Variants in LHFPL3 observed in about 807,000 individuals in gnomAD.
LHFPL3 encodes LHFPL tetraspan subfamily member 3, also known as LHFPL tetraspan subfamily member 3 protein.
A neutral mutation model predicts 19.3 loss-of-function variants in LHFPL3; 5 were observed. The observed-to-expected ratio is 0.26, with a 90% CI of 0.14 to 0.54. The LOEUF (loss-of-function observed/expected upper bound fraction) is 0.54. LHFPL3 is among the 20% of genes least tolerant of loss of function. The pLI is 0.94. For missense variants in LHFPL3, 249 were observed against 307.4 expected, an observed-to-expected ratio of 0.81 and a Z score of 1.42; for synonymous variants, 133 against 126.2, an observed-to-expected ratio of 1.05 and a Z score of -0.36.
At chr7:104,613,345 T>C (rs1179350786) in intron 1 of LHFPL3, among the ~76,000 whole-genome samples, 1 of 152,168 alleles carries the variant, frequency 6.6e-6, no homozygotes, top group Non-Finnish European at 1.5e-5. Flanking sequence ...TTGACCTATA[T>C]AAGAATTTTA....
At chr7:104,415,639 T>C (rs573690111) in intron 1 of LHFPL3, among the ~76,000 whole-genome samples, 2 of 152,332 alleles carry the variant, frequency 1.3e-5, no homozygotes, top group Non-Finnish European at 2.9e-5. Flanking sequence ...TTTTCAAATG[T>C]CTGTAATCAT....
At chr7:104,691,978 A>G (rs573037929) in intron 1 of LHFPL3, among the ~76,000 whole-genome samples, 2 of 152,218 alleles carry the variant, frequency 1.3e-5, no homozygotes, top group African/African-American at 4.8e-5. Context: ...GAGAGGAGGA[A>G]CTTGTTGGGA....
intron 2 of LHFPL3, among the ~76,000 whole-genome samples, chr7:104,833,064 A>ATAGATATAT (rs1791008063): frequency 1.0e-5 from 1 of 95,692 alleles, no homozygotes; most frequent in Non-Finnish European, 1.9e-5. Context: ...ATTATATATA[A>ATAGATATAT]TATATATATT....
At chr7:104,406,951 T>C (rs929222481) in intron 1 of LHFPL3, among the ~76,000 whole-genome samples, 3 of 152,210 alleles carry the variant, frequency 2.0e-5, no homozygotes, top group Non-Finnish European at 4.4e-5. Flanking sequence ...CCTTCAACTT[T>C]GAAGTCCAAG....
At chr7:104,519,715 G>T (rs1342529500) in intron 1 of LHFPL3, among the ~76,000 whole-genome samples, 2 of 151,850 alleles carry the variant, frequency 1.3e-5, no homozygotes, top group African/African-American at 4.8e-5. Context: ...TGACTGTTTT[G>T]ACTATTAACA....
chr7:104,380,531 A>G (rs1426787450), intron 1 of LHFPL3, among the ~76,000 whole-genome samples: 1 of 152,184 alleles, frequency 6.6e-6, no homozygotes, highest in Non-Finnish European at 1.5e-5. Flanking sequence ...AATACAAATT[A>G]ATGAAAATAT....
intron 1 of LHFPL3, among the ~76,000 whole-genome samples, chr7:104,551,519 A>G (rs1794662740): frequency 6.6e-6 from 1 of 151,902 alleles, no homozygotes; most frequent in Non-Finnish European, 1.5e-5. Context: ...GCTTCTGTGG[A>G]CTGACTTTGA....
intron 1 of LHFPL3, among the ~76,000 whole-genome samples, chr7:104,443,877 A>G (rs1416422550): frequency 6.6e-6 from 1 of 152,252 alleles, no homozygotes; most frequent in Non-Finnish European, 1.5e-5. Context: ...CATGCAGAGG[A>G]GAGCACAACA....
chr7:104,737,824 T>C (rs1793858019), intron 2 of LHFPL3, among the ~76,000 whole-genome samples: 1 of 152,202 alleles, frequency 6.6e-6, no homozygotes, highest in Admixed American at 6.5e-5. Flanking sequence ...GCTAAATCCA[T>C]CCTTGAAGTA....
chr7:104,492,485 G>A (rs12533385), intron 1 of LHFPL3, among the ~76,000 whole-genome samples: 41,120 of 152,188 alleles, frequency 0.27, 6,568 homozygotes, highest in Non-Finnish European at 0.37. Flanking sequence ...ATGGTACCAT[G>A]TCAGGTGTAT....
intron 1 of LHFPL3, among the ~76,000 whole-genome samples, chr7:104,578,240 G>A (rs1047317606): frequency 2.6e-5 from 4 of 152,240 alleles, no homozygotes; most frequent in Admixed American, 6.5e-5. Context: ...TTCTCCAGGT[G>A]TGGGTAACTC....
intron 2 of LHFPL3, among the ~76,000 whole-genome samples, chr7:104,861,231 C>A (rs1375323477): frequency 6.6e-6 from 1 of 152,096 alleles, no homozygotes; most frequent in Non-Finnish European, 1.5e-5. Flanking sequence ...ATTTTGCCCC[C>A]CTAAGAGGAC....
intron 1 of LHFPL3, among the ~76,000 whole-genome samples, chr7:104,705,380 T>C (rs1793172532): frequency 6.6e-6 from 1 of 152,216 alleles, no homozygotes; most frequent in Non-Finnish European, 1.5e-5. Context: ...CAAACCACTA[T>C]GTCATTTCTC....
chr7:104,335,581 C>T (rs1036641618), intron 1 of LHFPL3, among the ~76,000 whole-genome samples: 8 of 152,056 alleles, frequency 5.3e-5, no homozygotes, highest in African/African-American at 1.7e-4. Flanking sequence ...ATAACCCATA[C>T]AATATATTGT....
chr7:104,803,322 A>G (rs927378673), intron 2 of LHFPL3: 1 of 152,218 alleles, frequency 6.6e-6, no homozygotes, highest in Non-Finnish European at 1.5e-5. Context: ...TATTCTATTC[A>G]CGCATTAGAA....
At chr7:104,555,580 C>A (rs138936144) in intron 1 of LHFPL3, among the ~76,000 whole-genome samples, 150 of 152,324 alleles carry the variant, frequency 9.8e-4, no homozygotes, top group African/African-American at 3.5e-3. Context: ...CACCTCTCAT[C>A]GGGTTCCTCC....
At chr7:104,871,564 G>GC (rs1791838306) in intron 2 of LHFPL3, among the ~76,000 whole-genome samples, 1 of 152,044 alleles carries the variant, frequency 6.6e-6, no homozygotes, top group Non-Finnish European at 1.5e-5. Flanking sequence ...GCTTACTTCA[G>GC]TTTTTTACTT....
At chr7:104,864,485 G>A (rs1265768455) in intron 2 of LHFPL3, among the ~76,000 whole-genome samples, 2 of 152,224 alleles carry the variant, frequency 1.3e-5, no homozygotes, top group East Asian at 1.9e-4. Flanking sequence ...CACCTGGCTT[G>A]GAGAGTCCTA....
intron 2 of LHFPL3, among the ~76,000 whole-genome samples, chr7:104,783,834 A>T (rs1789859952): frequency 6.6e-6 from 1 of 152,224 alleles, no homozygotes; most frequent in African/African-American, 2.4e-5. Flanking sequence ...AGTTTCTAAA[A>T]TGCCACTAAA....
Sources: allele counts gnomAD v4.1 joint callset (sites outside exome capture counted in the v4.1 genomes callset), GRCh38; gene constraint gnomAD v4.1.1; transcripts MANE v1.5; gene names NCBI Gene and HGNC (gene_info 2026-07-23, HGNC 2026-07-21).